The following NUBPL variants were observed in gnomAD, a reference collection of about 807,000 sequenced individuals.
NUBPL encodes the protein iron-sulfur cluster transfer protein NUBPL.
Under a neutral mutation model 45.7 loss-of-function variants are expected in NUBPL, and 31 were observed. The ratio of observed to expected loss-of-function variants is 0.68; its 90% CI spans 0.51 to 0.92. The LOEUF is 0.92. NUBPL is among the 40% of genes least tolerant of loss of function. The pLI, the probability that NUBPL is intolerant of heterozygous loss-of-function variation, is 0.00. For synonymous variants in NUBPL, 144 were observed against 140.9 expected, an observed-to-expected ratio of 1.02 and a Z score of -0.15; for missense variants, 401 against 398.7, an observed-to-expected ratio of 1.01 and a Z score of -0.05.
chr14:31,644,318 T>A (rs2035787123), intron 4 of NUBPL, among the ~76,000 whole-genome samples: 1 of 152,138 alleles, frequency 6.6e-6, no homozygotes, highest in Non-Finnish European at 1.5e-5. Context: ...CATACTGTTT[T>A]TCCTGTACCG....
At chr14:31,595,684 ATACT>A (rs1216339896) in intron 3 of NUBPL, among the ~76,000 whole-genome samples, 1 of 152,238 alleles carries the variant, frequency 6.6e-6, no homozygotes, top group Non-Finnish European at 1.5e-5. Context: ...GACTATTTAC[ATACT>A]TAAAATAGGA....
chr14:31,659,333 A>C (rs543521772), intron 4 of NUBPL, among the ~76,000 whole-genome samples: 1 of 152,330 alleles, frequency 6.6e-6, no homozygotes, highest in Non-Finnish European at 1.5e-5. Context: ...TTCATCTTAA[A>C]TACCAACTGA....
At chr14:31,744,590 T>C (rs938209181) in intron 6 of NUBPL, among the ~76,000 whole-genome samples, 9 of 151,264 alleles carry the variant, frequency 5.9e-5, no homozygotes, top group Admixed American at 1.3e-4. Flanking sequence ...TTTTAATGTA[T>C]ACATTATATT....
At chr14:31,584,095 A>T (rs1645897261) in intron 3 of NUBPL, among the ~76,000 whole-genome samples, 1 of 151,780 alleles carries the variant, frequency 6.6e-6, no homozygotes, top group South Asian at 2.1e-4. Flanking sequence ...TAAGTAACCT[A>T]TGTATTTGAT....
chr14:31,569,811 AC>A (rs1187981982), intron 3 of NUBPL, among the ~76,000 whole-genome samples: 3 of 152,108 alleles, frequency 2.0e-5, no homozygotes, highest in African/African-American at 7.2e-5. Context: ...CAAGCCCACT[AC>A]CCCAAGCCAG....
intron 4 of NUBPL, among the ~76,000 whole-genome samples, chr14:31,638,600 G>C (rs1368772767): frequency 2.0e-5 from 3 of 151,928 alleles, no homozygotes; most frequent in Non-Finnish European, 4.4e-5. Context: ...TATCTTTGTG[G>C]CGTTCTCTGT....
intron 6 of NUBPL, among the ~76,000 whole-genome samples, chr14:31,680,222 G>T (rs2036798126): frequency 6.6e-6 from 1 of 151,990 alleles, no homozygotes; most frequent in Non-Finnish European, 1.5e-5. Flanking sequence ...CCTTAAATTT[G>T]ATTTTCTGGT....
In NUBPL at chr14:31,798,791, C is replaced by CAAA. The variant is rs1164176250; in HGVS notation, c.607+10942_607+10944dup. On this transcript the variant is annotated intron_variant, in intron 7 of 10. Coordinates refer to ENST00000281081, the MANE Select transcript of NUBPL (RefSeq NM_025152.3). ...TGGGTGACAGAGCAAGACTCCGTCT[C>CAAA]AAAAAAAAAAAAAAAAAAAAAAAAA... Among the ~76,000 whole-genome samples, 59 of 53,514 alleles carry CAAA rather than the reference C, an allele frequency of 1.1e-3. 8 individuals carry two copies. Among genetic ancestry groups the CAAA allele is most frequent in the Middle Eastern group, 0.038 (2 of 52 alleles). The allele number at this position is 53,514 out of a possible 152,430, so 35.1% of individuals were successfully genotyped here.
At chr14:31,693,341 T>G (rs989710987) in intron 6 of NUBPL, among the ~76,000 whole-genome samples, 1 of 152,174 alleles carries the variant, frequency 6.6e-6, no homozygotes, top group African/African-American at 2.4e-5. Flanking sequence ...TCAGACGACC[T>G]TCTTTGTAGT....
chr14:31,686,330 G>T (rs2036952146), intron 6 of NUBPL, among the ~76,000 whole-genome samples: 1 of 152,212 alleles, frequency 6.6e-6, no homozygotes, highest in South Asian at 2.1e-4. Context: ...GAGGGATCAG[G>T]AGACTGGGTA....
chr14:31,726,688 C>T (rs571735044), intron 6 of NUBPL, among the ~76,000 whole-genome samples: 1 of 151,900 alleles, frequency 6.6e-6, no homozygotes, highest in African/African-American at 2.4e-5. Flanking sequence ...ATTATTCTCA[C>T]AGGTCATCTG....
intron 8 of NUBPL, among the ~76,000 whole-genome samples, chr14:31,838,944 G>A (rs2040327172): frequency 6.6e-6 from 1 of 152,032 alleles, no homozygotes; most frequent in African/African-American, 2.4e-5. Context: ...GAGCTTCTAT[G>A]GAGTTAGACT....
intron 6 of NUBPL, among the ~76,000 whole-genome samples, chr14:31,688,661 T>G (rs1294310304): frequency 3.2e-4 from 48 of 148,590 alleles, no homozygotes; most frequent in South Asian, 1.1e-3. Flanking sequence ...TGTTGTTGTT[T>G]TTTTTTTTTT....
At chr14:31,745,158 C>T (rs1201497814) in intron 6 of NUBPL, among the ~76,000 whole-genome samples, 2 of 151,832 alleles carry the variant, frequency 1.3e-5, no homozygotes, top group Non-Finnish European at 2.9e-5. Flanking sequence ...CCCATTAACT[C>T]GTCATTTGCA....
intron 6 of NUBPL, among the ~76,000 whole-genome samples, chr14:31,758,896 C>G (rs2038734750): frequency 6.6e-6 from 1 of 151,994 alleles, no homozygotes; most frequent in East Asian, 1.9e-4. Flanking sequence ...CGTGGGTTCC[C>G]TTCTCCTGAG....
intron 7 of NUBPL, among the ~76,000 whole-genome samples, chr14:31,792,151 T>A (rs2039394619): frequency 6.6e-6 from 1 of 152,212 alleles, no homozygotes; most frequent in African/African-American, 2.4e-5. Flanking sequence ...CCAACAATAT[T>A]TGACTCATTA....
At chr14:31,679,882 C>T (rs777769066) in intron 6 of NUBPL, among the ~76,000 whole-genome samples, 12 of 152,050 alleles carry the variant, frequency 7.9e-5, no homozygotes, top group Non-Finnish European at 1.8e-4. Context: ...TGACCTTTTC[C>T]TACATTTTGT....
At chr14:31,769,841 T>C (rs2038977350) in intron 6 of NUBPL, among the ~76,000 whole-genome samples, 1 of 152,158 alleles carries the variant, frequency 6.6e-6, no homozygotes, top group Non-Finnish European at 1.5e-5. Context: ...TAGTTTATTT[T>C]ACAGATGAGA....
chr14:31,582,570 C>T lies in NUBPL; in HGVS notation c.292-16719C>T, dbSNP rs143680162. 1.1e-4 allele frequency among the ~76,000 whole-genome samples: 17 copies of T among 152,074 alleles called. No individual in the cohort carries two copies. The East Asian group carries it at 2.3e-3, about 21-fold the overall frequency. ...ACACTGGAGTAGAACTTTCCCTAGA[C>T]GCTGTGGTTCATAGGCATCTGACCA... On this transcript the variant is annotated intron_variant, in intron 3 of 10. Coordinates refer to ENST00000281081, the MANE Select transcript of NUBPL (RefSeq NM_025152.3).
Sources: allele counts gnomAD v4.1 joint callset (sites outside exome capture counted in the v4.1 genomes callset), GRCh38; gene constraint gnomAD v4.1.1; transcripts MANE v1.5; gene names NCBI Gene and HGNC (gene_info 2026-07-23, HGNC 2026-07-21).